Variants in MTERF1 observed in about 807,000 individuals in gnomAD.
MTERF1 encodes transcription termination factor 1, mitochondrial.
MTERF1 carries 29 observed loss-of-function variants against 31.6 expected under a neutral mutation model. The observed-to-expected ratio is 0.92, with a 90% confidence interval of 0.68 to 1.25. MTERF1 has a LOEUF of 1.25. Ranked by LOEUF, MTERF1 falls within the 50% of genes most tolerant of loss-of-function variation. MTERF1 has a pLI of 0.00. For missense variants in MTERF1, 500 were observed against 469.1 expected (o/e 1.07, Z -0.61); for synonymous variants, 152 against 164.1 (o/e 0.93, Z 0.57).
intron 2 of MTERF1, among the ~76,000 whole-genome samples, chr7:91,878,856 G>GT (rs1432288598): frequency 6.6e-6 from 1 of 152,050 alleles, no homozygotes; most frequent in Non-Finnish European, 1.5e-5. Flanking sequence ...GACAATATGT[G>GT]TTTGTTATGA....
chr7:91,874,688 C>T lies in MTERF1; in HGVS notation c.106G>A (p.Gly36Ser). Residue 36 changes from glycine to serine, a missense_variant, in exon 3 of 3, where the codon GGT (glycine) becomes AGT (serine). By Grantham distance (56) the Gly-to-Ser change is moderately conservative. Coordinates refer to ENST00000351870, the MANE Select transcript of MTERF1 (RefSeq NM_006980.5). Reference sequence around the variant, plus strand: ...AATCGAGTCATCCAACATCTTGAACCAAAGAGAAAGTTATTTCTCATATGC... The same window carrying T: ...AATCGAGTCATCCAACATCTTGAACTAAAGAGAAAGTTATTTCTCATATGC... ...LWHMRNNFLF[G>S]SRCWMTRFSA... The T allele has an allele frequency of 6.2e-7, 1 of 1,614,028 alleles. No individual in the cohort carries two copies. Among genetic ancestry groups the T allele is most frequent in the Non-Finnish European group, 8.5e-7 (1 of 1,179,994 alleles).
chr7:91,873,797 C>T lies in MTERF1; in HGVS notation c.997G>A (p.Asp333Asn), dbSNP rs756356679. The change falls in exon 3 of 3, where the codon GAC becomes AAC. Residue 333 changes from aspartate (D) to asparagine (N), a missense_variant. Asp to Asn is a conservative substitution (Grantham distance 23). Coordinates refer to ENST00000351870, the MANE Select transcript of MTERF1 (RefSeq NM_006980.5). Reference sequence around the variant, plus strand: ...CTAATGTTTTCTTCCATGAGGCAGTCTATTTTATCATTAAACTTTTTCTCT... The same window carrying T: ...CTAATGTTTTCTTCCATGAGGCAGTTTATTTTATCATTAAACTTTTTCTCT... ...LAEKKFNDKIDCLMEENISIS... is the reference protein window; with the variant it reads ...LAEKKFNDKINCLMEENISIS... The T allele has an allele frequency of 1.2e-6, 2 of 1,614,102 alleles. No homozygotes were observed. The highest frequency in any genetic ancestry group is 1.7e-6 in the Non-Finnish European group (2 of 1,180,012).
Position 91,873,766 on chromosome 7 carries a change from G to C in MTERF1, c.1028C>G (p.Ser343Ter). 6.2e-7 allele frequency: 1 copy of C among 1,614,050 alleles called. No homozygotes were observed. Among genetic ancestry groups the C allele is most frequent in the South Asian group, 1.1e-5 (1 of 91,068 alleles). Reference protein sequence around the residue: ...DCLMEENISISQIIENPRVLD... With the variant: ...DCLMEENISI Reference sequence around the variant, plus strand: ...AACCCGAGGATTTTCGATTATTTGTGAAATGCTAATGTTTTCTTCCATGAG... The same window carrying C: ...AACCCGAGGATTTTCGATTATTTGTCAAATGCTAATGTTTTCTTCCATGAG... The change falls in exon 3 of 3, where the codon TCA (serine) becomes TGA (stop). Residue 343 changes from serine to a stop codon, truncating the protein, a stop_gained. Transcript: ENST00000351870. LOFTEE classifies it high-confidence loss of function.
intron 2 of MTERF1, 79 bp downstream of exon 2, chr7:91,879,976 G>A (rs2130331439): frequency 6.6e-7 from 1 of 1,519,390 alleles, no homozygotes; most frequent in Non-Finnish European, 9.1e-7. Flanking sequence ...CTAATCACTG[G>A]CCCTAAAATA....
rs1562842535 is a variant in MTERF1, at chr7:91,873,635, T to A, written c.1159A>T (p.Arg387Ter). ...AACTTTTTCAATTTAGCTTCATATC[T>A]TTTTTTACTCCAAGATAGAAGAGTG... ...NITLLSWSKK[R>*]YEAKLKKLSR... Residue 387 changes from arginine (R) to a stop codon, truncating the protein, a stop_gained, in exon 3 of 3, where the codon AGA becomes TGA. Transcript: ENST00000351870. LOFTEE classifies it high-confidence loss of function. 6.2e-7 allele frequency: 1 copy of A among 1,607,454 alleles called. No individual in the cohort carries two copies. The highest frequency in any genetic ancestry group is 8.5e-7 in the Non-Finnish European group (1 of 1,178,080).
chr7:91,873,376 T>C lies in MTERF1; in HGVS notation c.*218A>G, dbSNP rs1335582334. 9.6e-6 allele frequency: 4 copies of C among 416,668 alleles called. No individual in the cohort carries two copies. Among genetic ancestry groups the C allele is most frequent in the Non-Finnish European group, 1.3e-5 (3 of 238,256 alleles). 25.8% of individuals were successfully genotyped at this position (416,668 alleles called of 1,614,324 possible). On this transcript the variant is annotated 3_prime_UTR_variant, in exon 3 of 3. Transcript: ENST00000351870. Reference sequence around the variant, plus strand: ...ACCTTTTAACTTCCTTCAAAAGTAGTTGTCTTTCTTATACAGGATCACTCT... The same window carrying C: ...ACCTTTTAACTTCCTTCAAAAGTAGCTGTCTTTCTTATACAGGATCACTCT...
rs900839009 is a variant in MTERF1 at position 91,872,933 on chromosome 7, T to C, written c.*661A>G. ...TTTATTTAGATTTTATATTCACATT[T>C]AGTTTTTTATGCACACATTTAAGAC... On this transcript the variant is annotated 3_prime_UTR_variant, in exon 3 of 3. Transcript: ENST00000351870. 1 of 152,226 alleles carries C rather than the reference T, an allele frequency of 6.6e-6. No homozygotes were observed. Among genetic ancestry groups the C allele is most frequent in the African/African-American group, 2.4e-5 (1 of 41,456 alleles). 9.4% of individuals were successfully genotyped at this position (152,226 alleles called of 1,614,324 possible).
rs1475241571 is a variant in MTERF1, at chr7:91,873,614, T to G, written c.1180A>C (p.Lys394Gln). 1 of 1,605,272 alleles carries G rather than the reference T, an allele frequency of 6.2e-7. No individual in the cohort carries two copies. The highest frequency in any genetic ancestry group is 8.5e-7 in the Non-Finnish European group (1 of 1,176,754). Residue 394 changes from lysine (K) to glutamine (Q), a missense_variant, in exon 3 of 3, where the codon AAG becomes CAG. Transcript: ENST00000351870. ...CATCCTTAGGCAAATCTGCTTAACT[T>G]TTTCAATTTAGCTTCATATCTTTTT... ...SKKRYEAKLKKLSRFA is the reference protein window; with the variant it reads ...SKKRYEAKLKQLSRFA
chr7:91,877,641 A>G (rs1789380150), intron 2 of MTERF1, among the ~76,000 whole-genome samples: 1 of 152,140 alleles, frequency 6.6e-6, no homozygotes, highest in African/African-American at 2.4e-5. Flanking sequence ...TACTCTTTGT[A>G]ATTCTCATTC....
chr7:91,879,928 C>T, intron 2 of MTERF1, 127 bp downstream of exon 2: 1 of 1,073,898 alleles, frequency 9.3e-7, no homozygotes, highest in Non-Finnish European at 1.4e-6. Context: ...GCCTCTGCCC[C>T]ACAACTGGCC....
Position 91,874,427 on chromosome 7 carries a change from T to C in MTERF1, c.367A>G (p.Ser123Gly). Reference protein sequence around the residue: ...SKGASKEVIASIISRYPRAIT... With the variant: ...SKGASKEVIAGIISRYPRAIT... ...GCTCGTGGATATCTTGATATGATGC[T>C]AGCGATCACTTCTTTGCTAGCTCCT... Residue 123 changes from serine (S) to glycine (G), a missense_variant, in exon 3 of 3, where the codon AGC becomes GGC. By Grantham distance (56) the Ser-to-Gly change is moderately conservative. Coordinates refer to ENST00000351870, the MANE Select transcript of MTERF1 (RefSeq NM_006980.5). 1 of 1,614,116 alleles carries C rather than the reference T, an allele frequency of 6.2e-7. No individual in the cohort carries two copies. Among genetic ancestry groups the C allele is most frequent in the Non-Finnish European group, 8.5e-7 (1 of 1,180,014 alleles).
rs755761538 is a variant in MTERF1, at chr7:91,880,121, T to C, written c.-30-8A>G. ...GCTGGAGAACAGCTATCTCTGGAAA[T>C]GACACACACACACAAAAAAAAGGCA... On this transcript the variant is annotated splice_region_variant and splice_polypyrimidine_tract_variant and intron_variant, in intron 1 of 2. Coordinates refer to ENST00000351870, the MANE Select transcript of MTERF1 (RefSeq NM_006980.5). The C allele has an allele frequency of 5.0e-6, 8 of 1,611,346 alleles. No homozygotes were observed. Among genetic ancestry groups the C allele is most frequent in the Non-Finnish European group, 6.8e-6 (8 of 1,179,152 alleles).
chr7:91,880,110 A>G lies in MTERF1; in HGVS notation c.-27T>C, dbSNP rs780914287. On this transcript the variant is annotated 5_prime_UTR_variant, in exon 2 of 3. Transcript: ENST00000351870. Reference sequence around the variant, plus strand: ...CCTCCAGAAAGGCTGGAGAACAGCTATCTCTGGAAATGACACACACACACA... The same window carrying G: ...CCTCCAGAAAGGCTGGAGAACAGCTGTCTCTGGAAATGACACACACACACA... 5 of 1,613,274 alleles carry G rather than the reference A, an allele frequency of 3.1e-6. No individual in the cohort carries two copies. Among genetic ancestry groups the G allele is most frequent in the Non-Finnish European group, 4.2e-6 (5 of 1,179,792 alleles).
At chr7:91,874,980 T>C (rs1472262063) in intron 2 of MTERF1, among the ~76,000 whole-genome samples, 1 of 146,712 alleles carries the variant, frequency 6.8e-6, no homozygotes, top group African/African-American at 2.8e-5. Context: ...AAATTCTACA[T>C]GTTTTATAAT....
chr7:91,875,695 C>A (rs900167972), intron 2 of MTERF1, among the ~76,000 whole-genome samples: 3 of 152,170 alleles, frequency 2.0e-5, no homozygotes, highest in South Asian at 2.1e-4. Context: ...GCCCTGAAAA[C>A]CAACACCTCA....
chr7:91,874,892 C>A lies in MTERF1; in HGVS notation c.30-128G>T, dbSNP rs200391825. On this transcript the variant is annotated intron_variant, in intron 2 of 2. Transcript: ENST00000351870. ...TACCTTCAGCTCCAGCTCTCCAGAACTGTGTTAATAATTCAGCCACTGCTG... is the reference window on the plus strand; with the variant it reads ...TACCTTCAGCTCCAGCTCTCCAGAAATGTGTTAATAATTCAGCCACTGCTG... 1.3e-4 allele frequency: 79 copies of A among 617,804 alleles called. No individual in the cohort carries two copies. In the East Asian group the frequency reaches 2.2e-3, roughly 17 times the overall value. 38.3% of individuals were successfully genotyped at this position (617,804 alleles called of 1,614,324 possible).
Position 91,873,476 on chromosome 7 carries a change from G to T in MTERF1, c.*118C>A. 1.1e-6 allele frequency: 1 copy of T among 885,298 alleles called. No homozygotes were observed. Among genetic ancestry groups the T allele is most frequent in the Non-Finnish European group, 1.7e-6 (1 of 596,640 alleles). The allele number at this position is 885,298 out of a possible 1,614,324, so 54.8% of individuals were successfully genotyped here. A position where few individuals can be genotyped will look rare whatever the true frequency, so the allele number is the denominator to read the frequency against. Reference sequence around the variant, plus strand: ...TATTAGGCCCTCCAAAGTAATTCAGGATAATCTCCCCATCTCAAGGCCCTT... The same window carrying T: ...TATTAGGCCCTCCAAAGTAATTCAGTATAATCTCCCCATCTCAAGGCCCTT... On this transcript the variant is annotated 3_prime_UTR_variant, in exon 3 of 3. Coordinates refer to ENST00000351870, the MANE Select transcript of MTERF1 (RefSeq NM_006980.5).
In MTERF1 at chr7:91,874,106, G is replaced by T. The variant is rs768925012; in HGVS notation, c.688C>A (p.Pro230Thr). Residue 230 changes from proline to threonine, a missense_variant, in exon 3 of 3, where the codon CCC (proline) becomes ACC (threonine). By Grantham distance (38) the Pro-to-Thr change is conservative. Transcript: ENST00000351870. ...AAGLSLGHND[P>T]ADFVRKIIFK... is the part of the protein sequence containing the mutation. ...ATTATCTTTCTGACAAAATCTGCGG[G>T]ATCATTGTGACCCAATGACAAACCG... 3.1e-6 allele frequency: 5 copies of T among 1,613,982 alleles called. No homozygotes were observed. Among genetic ancestry groups the T allele is most frequent in the Non-Finnish European group, 4.2e-6 (5 of 1,180,036 alleles).
chr7:91,880,174 A>G (rs1789469107), intron 1 of MTERF1, 61 bp from the exon 2 acceptor site: 8 of 1,379,674 alleles, frequency 5.8e-6, no homozygotes, highest in Non-Finnish European at 8.1e-6. Flanking sequence ...CTAATACAAA[A>G]TAAGAGATCG....
Sources: allele counts gnomAD v4.1 joint callset (sites outside exome capture counted in the v4.1 genomes callset), GRCh38; gene constraint gnomAD v4.1.1; transcripts MANE v1.5; gene names NCBI Gene and HGNC (gene_info 2026-07-23, HGNC 2026-07-21).